Variants in FLNA observed in about 807,000 individuals in gnomAD.
FLNA encodes filamin-A.
A neutral mutation model predicts 157.6 loss-of-function variants in FLNA; 7 were observed. The ratio of observed to expected loss-of-function variants is 0.04; its 90% CI spans 0.03 to 0.08. The LOEUF is 0.08. Among genes scored for constraint, FLNA ranks in the 10% least tolerant of loss-of-function variants. The pLI, the probability that FLNA is intolerant of heterozygous loss-of-function variation, is 1.00. For synonymous variants in FLNA, 1,103 were observed against 1,060.8 expected, an observed-to-expected ratio of 1.04 and a Z score of -0.77; for missense variants, 1,750 against 2,398.4, an observed-to-expected ratio of 0.73 and a Z score of 5.65.
intron 47 of FLNA, 112 bp from the exon 48 acceptor site, chrX:154,349,148 A>G (rs1166950030): frequency 5.7e-6 from 5 of 872,399 alleles, no homozygotes; most frequent in East Asian, 3.4e-5. Flanking sequence ...CTCTCTTCCT[A>G]AAGAGCTGCC....
Position 154,371,267 on chromosome X carries a change from G to A in FLNA, c.-22C>T. ...TCATTTTGAGGCGCGAGAAGCCGGG[G>A]GGGCGGTGCTGCAGCCTCGGCGAGG... On this transcript the variant is annotated 5_prime_UTR_variant, in exon 2 of 48. Transcript: ENST00000369850. The A allele has an allele frequency of 1.7e-6, 2 of 1,197,866 alleles. No homozygotes were observed. Among genetic ancestry groups the A allele is most frequent in the South Asian group, 3.6e-5 (2 of 55,489 alleles).
intron 43 of FLNA, 111 bp from the exon 44 acceptor site, chrX:154,351,152 C>A: frequency 1.1e-6 from 1 of 916,469 alleles, no homozygotes; most frequent in Non-Finnish European, 1.6e-6. Context: ...ATCTGGCGTC[C>A]AACTTGGTTT....
chrX:154,352,439 T>C lies in FLNA; in HGVS notation c.6511A>G (p.Ile2171Val), dbSNP rs1190530899. Residue 2171 changes from isoleucine to valine, a missense_variant, in exon 41 of 48, where the codon ATC (isoleucine) becomes GTC (valine). Ile to Val is a conservative substitution (Grantham distance 29). Coordinates refer to ENST00000369850, the MANE Select transcript of FLNA (RefSeq NM_001110556.2). ...DLSLKIPEIS[I>V]QDMTAQVTSP... is the part of the protein sequence containing the mutation. ...GTCACCTGGGCTGTCATATCCTGGA[T>C]GCTAATTTCTGCAGGGTGGGGATGG... 8.3e-7 allele frequency: 1 copy of C among 1,210,606 alleles called. No individual in the cohort carries two copies. The highest frequency in any genetic ancestry group is 1.7e-5 in the African/African-American group (1 of 57,570).
rs781970327 is a variant in FLNA at position 154,360,487 on chromosome X, G to A, written c.3308C>T (p.Thr1103Met). Residue 1103 changes from threonine to methionine, a missense_variant, in exon 22 of 48, where the codon ACG (threonine) becomes ATG (methionine). Thr to Met is a moderately conservative substitution (Grantham distance 81, BLOSUM62 -1). Coordinates refer to ENST00000369850, the MANE Select transcript of FLNA (RefSeq NM_001110556.2). Reference sequence around the variant, plus strand: ...CTGCGCCTCACAGGGGCCCTCCACCGTCAGGCCCAGGCCACCTGTGCCGGC... The same window carrying A: ...CTGCGCCTCACAGGGGCCCTCCACCATCAGGCCCAGGCCACCTGTGCCGGC... ...KGAGTGGLGL[T>M]VEGPCEAQLE... The A allele has an allele frequency of 4.1e-6, 5 of 1,211,346 alleles. No individual in the cohort carries two copies. Among genetic ancestry groups the A allele is most frequent in the Admixed American group, 2.2e-5 (1 of 46,202 alleles).
At chrX:154,356,490 C>T (rs1557176875) in intron 30 of FLNA, among the ~76,000 whole-genome samples, 1 of 112,458 alleles carries the variant, frequency 8.9e-6, no homozygotes, top group African/African-American at 3.2e-5. Context: ...CCATCTCGCT[C>T]CTGCCGCAAA....
chrX:154,354,024 A>G lies in FLNA; in HGVS notation c.5577T>C (p.Tyr1859=). The G allele has an allele frequency of 1.7e-6, 2 of 1,211,918 alleles. No homozygotes were observed. Among genetic ancestry groups the G allele is most frequent in the Non-Finnish European group, 1.1e-6 (1 of 895,503 alleles). The part of the protein sequence containing the change: ...MHIPGSPLQF[Y]VDYVNCGHVT... ...CATGGCCACAGTTGACGTAATCCAC[A>G]TAGAACTGCAAGGGGCTTCCTGAGG... Residue 1859 remains tyrosine (Y), a synonymous_variant, in exon 35 of 48, where the codon TAT becomes TAC. Transcript: ENST00000369850.
At chrX:154,356,475 T>C (rs1557176871) in intron 30 of FLNA, among the ~76,000 whole-genome samples, 1 of 111,975 alleles carries the variant, frequency 8.9e-6, no homozygotes, top group East Asian at 2.8e-4. Flanking sequence ...GCCTGCTCTA[T>C]AAAGCCATCT....
At chrX:154,370,689 G>C (rs989838363) in intron 2 of FLNA, among the ~76,000 whole-genome samples, 184 bp downstream of exon 2, 1 of 112,963 alleles carries the variant, frequency 8.9e-6, no homozygotes, top group South Asian at 3.5e-4. Context: ...TCGCACGCCC[G>C]GCCGGCCAGC....
intron 21 of FLNA, 151 bp downstream of exon 21, chrX:154,361,157 C>G: frequency 2.6e-6 from 1 of 392,018 alleles, no homozygotes; most frequent in Non-Finnish European, 4.1e-6. Context: ...CCCCTTTACT[C>G]TCACTTAAAC....
At position 154,353,628 on chromosome X, in the gene FLNA, G is replaced by A. The variant is rs782359458; in HGVS notation, c.5786C>T (p.Pro1929Leu). The A allele has an allele frequency of 1.7e-5, 21 of 1,210,271 alleles. No homozygotes were observed. The highest frequency in any genetic ancestry group is 5.2e-5 in the African/African-American group (3 of 57,538). The change falls in exon 36 of 48, where the codon CCG becomes CTG. Residue 1929 changes from proline (P) to leucine (L), a missense_variant. Physicochemically the swap from Pro to Leu is moderately conservative, Grantham distance 98. Transcript: ENST00000369850. ...CTTGACTAGAATGCTGTAGTCCCCC[G>A]GCAGCACAGGCAGGTAGGACACGCT... The part of the protein sequence containing the change: ...TCSVSYLPVL[P>L]GDYSILVKYN...
At position 154,366,147 on chromosome X, in the gene FLNA, C is replaced by T. The variant is rs1557179196; in HGVS notation, c.1306G>A (p.Ala436Thr). 1 of 1,209,341 alleles carries T rather than the reference C, an allele frequency of 8.3e-7. No individual in the cohort carries two copies. Among genetic ancestry groups the T allele is most frequent in the Admixed American group, 2.2e-5 (1 of 45,986 alleles). The part of the protein sequence containing the change: ...QKGTVEPQLE[A>T]RGDSTYRCSY... ...CAGCGGTATGTGCTGTCGCCCCGGG[C>T]CTCCAGCTGAGGCTCTACCGTGCCC... The change falls in exon 9 of 48, where the codon GCC becomes ACC. Residue 436 changes from alanine to threonine, a missense_variant. Coordinates refer to ENST00000369850, the MANE Select transcript of FLNA (RefSeq NM_001110556.2).
Position 154,352,021 on chromosome X carries a change from G to A in FLNA, c.6770C>T (p.Ala2257Val). ...GLERAEAGVPAEFSIWTREAG... is the reference protein window; with the variant it reads ...GLERAEAGVPVEFSIWTREAG... ...TTCCCGGGTCCAGATACTGAATTCG[G>A]CTGTGGGAGAACAGTTTGTCCTCAC... Residue 2257 changes from alanine to valine, a missense_variant and splice_region_variant, in exon 42 of 48, where the codon GCC (alanine) becomes GTC (valine). Transcript: ENST00000369850. 8.3e-7 allele frequency: 1 copy of A among 1,211,591 alleles called. No individual in the cohort carries two copies. Among genetic ancestry groups the A allele is most frequent in the East Asian group, 3.0e-5 (1 of 33,874 alleles).
At position 154,364,722 on chromosome X, in the gene FLNA, G is replaced by A. The variant is rs2148116361; in HGVS notation, c.1829-3C>T. On this transcript the variant is annotated splice_polypyrimidine_tract_variant and splice_region_variant and intron_variant, in intron 12 of 47. Coordinates refer to ENST00000369850, the MANE Select transcript of FLNA (RefSeq NM_001110556.2). ...CGATGGCCCTTCCACCGAGAAGCCTGACAACAGCCACCAGTCCCCTCAGTG... is the reference window on the plus strand; with the variant it reads ...CGATGGCCCTTCCACCGAGAAGCCTAACAACAGCCACCAGTCCCCTCAGTG... The A allele has an allele frequency of 1.7e-6, 2 of 1,209,570 alleles. No homozygotes were observed. The highest frequency in any genetic ancestry group is 2.2e-6 in the Non-Finnish European group (2 of 895,152).
At position 154,351,640 on chromosome X, in the gene FLNA, C is replaced by T. The variant is rs782084497; in HGVS notation, c.6964G>A (p.Val2322Met). ...NEEHIPDSPF[V>M]VPVASPSGDA... ...CCAGACGGAGAAGCCACAGGCACCA[C>T]GAAGGGGCTGTCGGGAATGTGTTCC... Residue 2322 changes from valine to methionine, a missense_variant, in exon 43 of 48, where the codon GTG (valine) becomes ATG (methionine). This residue lies in a region of FLNA where 970 missense variants were observed against 1,302.6 expected (regional missense o/e 0.74). Coordinates refer to ENST00000369850, the MANE Select transcript of FLNA (RefSeq NM_001110556.2). 8.3e-6 allele frequency: 10 copies of T among 1,208,896 alleles called. No individual in the cohort carries two copies. The African/African-American group carries it at 1.4e-4, about 17-fold the overall frequency.
intron 36 of FLNA, 31 bp from the exon 37 acceptor site, chrX:154,353,488 G>A (rs369973123): frequency 7.4e-6 from 9 of 1,209,571 alleles, no homozygotes; most frequent in South Asian, 3.5e-5. Flanking sequence ...ATCAGTGTGC[G>A]TCCAGCCATG....
At chrX:154,372,164 C>T (rs1248398877) in intron 1 of FLNA, among the ~76,000 whole-genome samples, 2 of 113,396 alleles carry the variant, frequency 1.8e-5, no homozygotes, top group African/African-American at 3.2e-5. Context: ...CGAAGGGGTC[C>T]GGGCATGCCC....
chrX:154,371,185 C>T lies in FLNA; in HGVS notation c.61G>A (p.Val21Ile). ...GGCATCTCGGCGTCCCGCGTGTCGA[C>T]GCCGCCGCCCGGAGCCGCGCCTGCT... ...SAAGAAPGGG[V>I]DTRDAEMPAT... Residue 21 changes from valine to isoleucine, a missense_variant, in exon 2 of 48, where the codon GTC becomes ATC. Val to Ile is a conservative substitution (Grantham distance 29, BLOSUM62 3). Coordinates refer to ENST00000369850, the MANE Select transcript of FLNA (RefSeq NM_001110556.2). 8.4e-7 allele frequency: 1 copy of T among 1,194,348 alleles called. No homozygotes were observed. Among genetic ancestry groups the T allele is most frequent in the Non-Finnish European group, 1.1e-6 (1 of 887,380 alleles).
At chrX:154,372,355 G>A (rs1356021656) in intron 1 of FLNA, among the ~76,000 whole-genome samples, 2 of 112,653 alleles carry the variant, frequency 1.8e-5, no homozygotes, top group African/African-American at 3.2e-5. Flanking sequence ...CACGGGAGTG[G>A]CATTCCAGAC....
chrX:154,362,998 G>A (rs140334949), intron 15 of FLNA, among the ~76,000 whole-genome samples: 140 of 112,778 alleles, frequency 1.2e-3, no homozygotes, highest in Non-Finnish European at 2.2e-3. Flanking sequence ...GCAAACACCT[G>A]GACTCACTGT....
Sources: allele counts gnomAD v4.1 joint callset (sites outside exome capture counted in the v4.1 genomes callset), GRCh38; gene constraint gnomAD v4.1.1; regional missense constraint gnomAD v4.1.1; transcripts MANE v1.5; gene names NCBI Gene and HGNC (gene_info 2026-07-23, HGNC 2026-07-21).